RNF217: variants seen among roughly 807,000 people sequenced by gnomAD.
RNF217 encodes the protein E3 ubiquitin-protein ligase RNF217.
RNF217 carries 31 observed loss-of-function variants against 57.8 expected under a neutral mutation model. The observed-to-expected ratio is 0.54, with a 90% CI of 0.40 to 0.72. The LOEUF is 0.72. Among genes scored for constraint, RNF217 ranks in the 30% least tolerant of loss-of-function variants. The pLI, the probability that RNF217 is intolerant of heterozygous loss-of-function variation, is 0.00. For missense variants in RNF217, 696 were observed against 708.3 expected (o/e 0.98, Z 0.20); for synonymous variants, 313 against 294.0 (o/e 1.06, Z -0.66).
chr6:124,997,296 T>C (rs1166297402), intron 1 of RNF217, among the ~76,000 whole-genome samples: 1 of 152,206 alleles, frequency 6.6e-6, no homozygotes, highest in Non-Finnish European at 1.5e-5. Context: ...CTGAGCTTTA[T>C]AGAACATGTT....
chr6:125,013,410 G>A (rs376590588), intron 1 of RNF217, among the ~76,000 whole-genome samples: 7 of 150,710 alleles, frequency 4.6e-5, no homozygotes, highest in African/African-American at 1.2e-4. Context: ...GAGCATGGTC[G>A]TGGAACGGTT....
chr6:125,071,356 A>G (rs1035044470), intron 3 of RNF217, among the ~76,000 whole-genome samples: 4 of 152,132 alleles, frequency 2.6e-5, no homozygotes, highest in African/African-American at 4.8e-5. Context: ...AGGGTGAACA[A>G]CTGATACTCA....
rs1426896783 is a variant in RNF217, at chr6:125,009,199, A to G, written c.883-36012A>G. On this transcript the variant is annotated intron_variant, in intron 1 of 5. Coordinates refer to ENST00000521654, the MANE Select transcript of RNF217 (RefSeq NM_001286398.3). ...GTCCATTGCCAGCACTTGAGTAAAG[A>G]TAAAGAGTAGGAGAATCAAAGCTGT... is the stretch of plus-strand genomic sequence containing the variant. The G allele has an allele frequency of 1.0e-5, 16 of 1,585,704 alleles. No individual in the cohort carries two copies. In the East Asian group the frequency reaches 3.6e-4, roughly 36 times the overall value.
chr6:124,981,761 A>G (rs1355551712), intron 1 of RNF217, among the ~76,000 whole-genome samples: 1 of 151,838 alleles, frequency 6.6e-6, no homozygotes, highest in Non-Finnish European at 1.5e-5. Flanking sequence ...ACTCATGCCT[A>G]TAATCCCAGC....
chr6:125,004,645 T>C (rs1191533660), intron 1 of RNF217, among the ~76,000 whole-genome samples: 1 of 152,212 alleles, frequency 6.6e-6, no homozygotes, highest in Non-Finnish European at 1.5e-5. Context: ...TGTGAAGGCC[T>C]AAGTCTTTTT....
chr6:125,091,422 G>A lies in RNF217; in HGVS notation c.*8485G>A, dbSNP rs1202181359. ...CTCTATTTAAAGTGCTAAGGAGAAA[G>A]CATATCTTTAGGGATGTATATAGGC... On this transcript the variant is annotated 3_prime_UTR_variant, in exon 6 of 6. Transcript: ENST00000521654. The A allele has an allele frequency of 6.6e-6, 1 of 151,998 alleles. No individual in the cohort carries two copies. The highest frequency in any genetic ancestry group is 1.5e-5 in the Non-Finnish European group (1 of 67,934). 9.4% of individuals were successfully genotyped at this position (151,998 alleles called of 1,614,324 possible).
Position 124,962,676 on chromosome 6 carries a change from C to G in RNF217, c.132C>G (p.Arg44=). 7.4e-7 allele frequency: 1 copy of G among 1,343,680 alleles called. No homozygotes were observed. The highest frequency in any genetic ancestry group is 9.4e-7 in the Non-Finnish European group (1 of 1,059,094). 83.2% of individuals were successfully genotyped at this position (1,343,680 alleles called of 1,614,324 possible). The change falls in exon 1 of 6, where the codon CGC becomes CGG. Residue 44 remains arginine (R), a synonymous_variant. Transcript: ENST00000521654. The surrounding 1 kb of genome is among the most constrained non-coding windows in gnomAD (Gnocchi z 4.6). ...QGDSARAPPL[R]AASAEPSGGG... ...ACAGCGCCCGGGCGCCCCCGCTGCG[C>G]GCCGCCTCCGCGGAGCCGAGCGGCG...
In RNF217 at chr6:124,962,984, T is replaced by C; in HGVS notation, c.440T>C (p.Leu147Pro). The change falls in exon 1 of 6, where the codon CTG becomes CCG. Residue 147 changes from leucine (L) to proline (P), a missense_variant. Physicochemically the swap from Leu to Pro is moderately conservative, Grantham distance 98 (BLOSUM62 -3). Transcript: ENST00000521654. This position sits in a 1 kb window ranked among gnomAD's most constrained non-coding sequence, Gnocchi z 4.6. ...GTGGGGGCCGCCGACGGACTGGTCC[T>C]GGACGTGCTGGGTCAGCGGCGCCCG... ...TRVGAADGLV[L>P]DVLGQRRPSL... 11 of 1,597,076 alleles carry C rather than the reference T, an allele frequency of 6.9e-6. No homozygotes were observed. The highest frequency in any genetic ancestry group is 8.5e-6 in the Non-Finnish European group (10 of 1,179,268).
At chr6:124,995,655 C>T (rs1262906650) in intron 1 of RNF217, among the ~76,000 whole-genome samples, 1 of 152,166 alleles carries the variant, frequency 6.6e-6, no homozygotes, top group Non-Finnish European at 1.5e-5. Flanking sequence ...GGTGCTGTGG[C>T]TCATGCCTGT....
intron 1 of RNF217, among the ~76,000 whole-genome samples, chr6:125,020,614 G>C (rs1320772985): frequency 6.6e-6 from 1 of 152,002 alleles, no homozygotes; most frequent in Non-Finnish European, 1.5e-5. Context: ...CTGCAGCTGG[G>C]CTGCCAAGTA....
chr6:124,978,852 T>G, intron 1 of RNF217, among the ~76,000 whole-genome samples: 1 of 152,088 alleles, frequency 6.6e-6, no homozygotes, highest in East Asian at 1.9e-4. Context: ...GAGAATAATT[T>G]TATTGAGCAA....
chr6:124,978,304 A>C (rs1784040491), intron 1 of RNF217, among the ~76,000 whole-genome samples: 1 of 151,776 alleles, frequency 6.6e-6, no homozygotes, highest in Admixed American at 6.6e-5. Context: ...GGCTTGCTCC[A>C]CCTGCTTAGC....
At chr6:124,981,501 AG>A (rs769588602) in intron 1 of RNF217, among the ~76,000 whole-genome samples, 5 of 152,186 alleles carry the variant, frequency 3.3e-5, no homozygotes, top group Non-Finnish European at 7.3e-5. Flanking sequence ...GGTAGATAAG[AG>A]ACAAAAGATT....
intron 1 of RNF217, among the ~76,000 whole-genome samples, chr6:124,993,611 G>T (rs1784641699): frequency 6.6e-6 from 1 of 152,084 alleles, no homozygotes; most frequent in Non-Finnish European, 1.5e-5. Context: ...AGCCTATTCG[G>T]GTAGATATAT....
rs536898390 is a variant in RNF217, at chr6:124,966,825, A to G, written c.882+3399A>G. The stretch of plus-strand genomic sequence containing the variant: ...TAATCTGTGACAAAGGCCAATTGGT[A>G]GGTGTCATCAATATTTCAATATAGA... On this transcript the variant is annotated intron_variant, in intron 1 of 5. Transcript: ENST00000521654. Among the ~76,000 whole-genome samples, 6 of 152,378 alleles carry G rather than the reference A, an allele frequency of 3.9e-5. No homozygotes were observed. In the South Asian group the frequency reaches 1.2e-3, roughly 32 times the overall value.
intron 2 of RNF217, among the ~76,000 whole-genome samples, chr6:125,052,308 G>T (rs1188691140): frequency 3.5e-5 from 5 of 142,488 alleles, no homozygotes; most frequent in African/African-American, 1.5e-4. Flanking sequence ...GTGTGTGTGT[G>T]TGTGTGTGTG....
intron 1 of RNF217, among the ~76,000 whole-genome samples, chr6:124,991,506 A>G (rs920335719): frequency 2.6e-5 from 4 of 152,094 alleles, no homozygotes; most frequent in East Asian, 1.9e-4. Context: ...TTATCTTCTA[A>G]TAATGATGTG....
Position 125,042,672 on chromosome 6 carries a change from T to C in RNF217, c.883-2539T>C, listed in dbSNP as rs909773180. Among the ~76,000 whole-genome samples, 4 of 152,156 alleles carry C rather than the reference T, an allele frequency of 2.6e-5. No individual in the cohort carries two copies. In the South Asian group the frequency reaches 6.2e-4, roughly 24 times the overall value. On this transcript the variant is annotated intron_variant, in intron 1 of 5. Transcript: ENST00000521654. ...GATGTTGGATGGTATCCCGATGTGG[T>C]TGATTAACAAATACCCACTGCTGAA...
At chr6:125,052,761 T>C (rs1183837764) in intron 2 of RNF217, among the ~76,000 whole-genome samples, 1 of 152,120 alleles carries the variant, frequency 6.6e-6, no homozygotes, top group East Asian at 1.9e-4. Flanking sequence ...AAAAGCATCT[T>C]CAGTTTTTAA....
Sources: allele counts gnomAD v4.1 joint callset (sites outside exome capture counted in the v4.1 genomes callset), GRCh38; gene constraint gnomAD v4.1.1; non-coding constraint Gnocchi (gnomAD v3.1); transcripts MANE v1.5; gene names NCBI Gene and HGNC (gene_info 2026-07-23, HGNC 2026-07-21).